The following FZD3 variants were observed in gnomAD, a reference collection of about 807,000 sequenced individuals.
FZD3 encodes the protein frizzled class receptor 3.
A neutral mutation model predicts 60.7 loss-of-function variants in FZD3; 30 were observed. The observed-to-expected ratio is 0.49, with a 90% CI of 0.37 to 0.67. FZD3 has a LOEUF of 0.67. FZD3 is among the 30% of genes least tolerant of loss of function. The pLI is 0.00. For missense variants in FZD3, 605 were observed against 838.7 expected (o/e 0.72, Z 3.44); for synonymous variants, 246 against 275.2 (o/e 0.89, Z 1.05).
chr8:28,547,670 G>A (rs916893090), intron 5 of FZD3, among the ~76,000 whole-genome samples: 1 of 151,954 alleles, frequency 6.6e-6, no homozygotes, highest in African/African-American at 2.4e-5. Context: ...GATATATTTC[G>A]CCTATTTTTC....
chr8:28,534,161 T>TA (rs1185852413), intron 5 of FZD3, among the ~76,000 whole-genome samples: 1 of 152,222 alleles, frequency 6.6e-6, no homozygotes, highest in Non-Finnish European at 1.5e-5. Context: ...CCATCTGAAC[T>TA]GTAGCCTACA....
chr8:28,508,506 GTTGT>G (rs1192391428), intron 3 of FZD3, among the ~76,000 whole-genome samples: 1 of 148,770 alleles, frequency 6.7e-6, no homozygotes, highest in East Asian at 2.0e-4. Context: ...ATTGCAGGGT[GTTGT>G]TTGTTTTTGA....
chr8:28,566,581 G>T lies in FZD3; in HGVS notation c.*3570G>T, dbSNP rs929555783. ...ATAATAGCTGAAAATAACTCAAACT[G>T]TACCCATCTTAGTTAGGCTATATCT... On this transcript the variant is annotated 3_prime_UTR_variant, in exon 8 of 8. Transcript: ENST00000240093. 1 of 152,008 alleles carries T rather than the reference G, an allele frequency of 6.6e-6. No individual in the cohort carries two copies. Among genetic ancestry groups the T allele is most frequent in the African/African-American group, 2.4e-5 (1 of 41,402 alleles). The allele number at this position is 152,008 out of a possible 1,614,324, so 9.4% of individuals were successfully genotyped here.
intron 5 of FZD3, among the ~76,000 whole-genome samples, chr8:28,538,237 G>A (rs1000753789): frequency 1.1e-4 from 17 of 151,766 alleles, no homozygotes; most frequent in Admixed American, 2.6e-4. Flanking sequence ...TAAATAAGAC[G>A]TATTTCCAGT....
At chr8:28,500,325 A>G (rs1232770353) in intron 2 of FZD3, among the ~76,000 whole-genome samples, 1 of 152,156 alleles carries the variant, frequency 6.6e-6, no homozygotes, top group African/African-American at 2.4e-5. Flanking sequence ...AGGCAAAAGG[A>G]ATAATCAAAA....
chr8:28,571,906 A>T lies in FZD3; in HGVS notation c.*8895A>T, dbSNP rs1186601104. The stretch of plus-strand genomic sequence containing the variant: ...AAAATTAAAATACTTTACCAAAAAA[A>T]TACTTTTTTGTATTTTAATCTGATA... On this transcript the variant is annotated 3_prime_UTR_variant, in exon 8 of 8. Coordinates refer to ENST00000240093, the MANE Select transcript of FZD3 (RefSeq NM_017412.4). 6.6e-6 allele frequency: 1 copy of T among 152,158 alleles called. No homozygotes were observed. The highest frequency in any genetic ancestry group is 1.5e-5 in the Non-Finnish European group (1 of 68,026). 9.4% of individuals were successfully genotyped at this position (152,158 alleles called of 1,614,324 possible).
chr8:28,552,520 C>G (rs545975815), intron 6 of FZD3, among the ~76,000 whole-genome samples: 2 of 152,224 alleles, frequency 1.3e-5, no homozygotes, highest in South Asian at 4.1e-4. Flanking sequence ...ATAGGTATCT[C>G]TGTCTGAATT....
chr8:28,562,519 G>T (rs758863441), intron 7 of FZD3, among the ~76,000 whole-genome samples: 2 of 152,034 alleles, frequency 1.3e-5, no homozygotes, highest in African/African-American at 4.8e-5. Context: ...TATCCATATC[G>T]AGTGCAGCTT....
chr8:28,496,683 T>C (rs551649419), intron 1 of FZD3, among the ~76,000 whole-genome samples: 66 of 152,340 alleles, frequency 4.3e-4, no homozygotes, highest in South Asian at 8.3e-4. Flanking sequence ...GAAAGAGTTT[T>C]ACCTACTATG....
At position 28,528,090 on chromosome 8, in the gene FZD3, G is replaced by A. The variant is rs1203017028; in HGVS notation, c.1330G>A (p.Ala444Thr). 2 of 1,613,902 alleles carry A rather than the reference G, an allele frequency of 1.2e-6. No homozygotes were observed. The highest frequency in any genetic ancestry group is 3.3e-5 in the Admixed American group (2 of 59,988). The change falls in exon 5 of 8, where the codon GCT (alanine) becomes ACT (threonine). Residue 444 changes from alanine (A) to threonine (T), a missense_variant. Ala to Thr is a moderately conservative substitution (Grantham distance 58, BLOSUM62 0). Coordinates refer to ENST00000240093, the MANE Select transcript of FZD3 (RefSeq NM_017412.4). ...AATTGGATGCTACTTTTATGAGCAA[G>A]CTTACCGGGGCATCTGGGAAACAAC... ...VVIGCYFYEQ[A>T]YRGIWETTWI...
At chr8:28,524,573 T>G (rs1158555480) in intron 4 of FZD3, among the ~76,000 whole-genome samples, 1 of 152,216 alleles carries the variant, frequency 6.6e-6, no homozygotes, top group East Asian at 1.9e-4. Context: ...TTGTGATCTG[T>G]TATTTCTCAG....
chr8:28,517,829 C>G (rs58220119), intron 3 of FZD3, among the ~76,000 whole-genome samples: 1 of 152,102 alleles, frequency 6.6e-6, no homozygotes, highest in Admixed American at 6.5e-5. Flanking sequence ...ACAGTCTTGT[C>G]TGTTAACTCT....
intron 4 of FZD3, among the ~76,000 whole-genome samples, chr8:28,521,206 A>G (rs1322764057): frequency 1.3e-5 from 2 of 152,164 alleles, no homozygotes; most frequent in African/African-American, 4.8e-5. Flanking sequence ...TATGATTTAA[A>G]TATAGATTTA....
chr8:28,499,318 A>G lies in FZD3; in HGVS notation c.-390-615A>G, dbSNP rs113272761. On this transcript the variant is annotated intron_variant, in intron 1 of 7. Coordinates refer to ENST00000240093, the MANE Select transcript of FZD3 (RefSeq NM_017412.4). Reference sequence around the variant, plus strand: ...ATTTTATTTTTTATTTATTGTTACTATCTTACTGTATCCACAAATACAGGT... The same window carrying G: ...ATTTTATTTTTTATTTATTGTTACTGTCTTACTGTATCCACAAATACAGGT... 5.4e-3 allele frequency among the ~76,000 whole-genome samples: 820 copies of G among 152,238 alleles called. 10 individuals are homozygous for G. Among genetic ancestry groups the G allele is most frequent in the African/African-American group, 0.019 (776 of 41,538 alleles).
In FZD3 at chr8:28,570,772, A is replaced by T. The variant is rs1034024096; in HGVS notation, c.*7761A>T. The T allele has an allele frequency of 6.6e-6, 1 of 152,158 alleles. No individual in the cohort carries two copies. The highest frequency in any genetic ancestry group is 1.5e-5 in the Non-Finnish European group (1 of 68,050). The allele number at this position is 152,158 out of a possible 1,614,324, so 9.4% of individuals were successfully genotyped here. ...ATCATTGTGTTTGCTCTGATTGTCT[A>T]CATTAGCTCATATCAGTCTTTTGAA... is the stretch of plus-strand genomic sequence containing the variant. On this transcript the variant is annotated 3_prime_UTR_variant, in exon 8 of 8. Transcript: ENST00000240093.
intron 7 of FZD3, among the ~76,000 whole-genome samples, chr8:28,558,458 A>C: frequency 6.7e-6 from 1 of 148,304 alleles, no homozygotes; most frequent in Non-Finnish European, 1.5e-5. Context: ...TGAGGCAGAG[A>C]CTCACTTTGT....
intron 1 of FZD3, among the ~76,000 whole-genome samples, chr8:28,496,774 A>G (rs147876392): frequency 6.6e-6 from 1 of 152,302 alleles, no homozygotes; most frequent in Non-Finnish European, 1.5e-5. Flanking sequence ...CAAGGAGTGT[A>G]TTGCACGTGA....
At position 28,527,987 on chromosome 8, in the gene FZD3, G is replaced by A. The variant is rs1345356096; in HGVS notation, c.1227G>A (p.Glu409=). 1.2e-6 allele frequency: 2 copies of A among 1,613,854 alleles called. No homozygotes were observed. The highest frequency in any genetic ancestry group is 2.2e-5 in the East Asian group (1 of 44,894). ...GAATTGAGATTCCATTAGAAAAGGAGAACCAAGATAAATTAGTGAAGTTTA... is the reference window on the plus strand; with the variant it reads ...GAATTGAGATTCCATTAGAAAAGGAAAACCAAGATAAATTAGTGAAGTTTA... The part of the protein sequence containing the change: ...RVRIEIPLEK[E]NQDKLVKFMI... The change falls in exon 5 of 8, where the codon GAG becomes GAA. Residue 409 remains glutamate, a synonymous_variant. Coordinates refer to ENST00000240093, the MANE Select transcript of FZD3 (RefSeq NM_017412.4). This position sits in a 1 kb window ranked among gnomAD's most constrained non-coding sequence, Gnocchi z 5.0.
intron 1 of FZD3, among the ~76,000 whole-genome samples, chr8:28,497,387 G>A (rs1803871159): frequency 6.6e-6 from 1 of 152,186 alleles, no homozygotes; most frequent in African/African-American, 2.4e-5. Context: ...GACTTTAAGA[G>A]AAGGAAAGTA....
Sources: allele counts gnomAD v4.1 joint callset (sites outside exome capture counted in the v4.1 genomes callset), GRCh38; gene constraint gnomAD v4.1.1; non-coding constraint Gnocchi (gnomAD v3.1); transcripts MANE v1.5; gene names NCBI Gene and HGNC (gene_info 2026-07-23, HGNC 2026-07-21).